ZNF564: variants seen among roughly 807,000 people sequenced by gnomAD.
ZNF564 encodes the protein zinc finger protein 564.
Under a neutral mutation model 10.5 loss-of-function variants are expected in ZNF564, and 5 were observed. The ratio of observed to expected loss-of-function variants is 0.48; its 90% CI spans 0.25 to 1.00. ZNF564 has a LOEUF of 1.00. ZNF564 is among the 50% of genes least tolerant of loss of function. The pLI is 0.16. For missense variants in ZNF564, 603 were observed against 669.7 expected (o/e 0.90, Z 1.10); for synonymous variants, 242 against 218.1 (o/e 1.11, Z -0.97).
chr19:12,551,038 C>A (rs1220875433), intron 1 of ZNF564, among the ~76,000 whole-genome samples: 1 of 152,350 alleles, frequency 6.6e-6, no homozygotes, highest in African/African-American at 2.4e-5. Context: ...CCTCCCGTGT[C>A]CCAGTACAAA....
chr19:12,535,742 G>A (rs2021895444), intron 1 of ZNF564, among the ~76,000 whole-genome samples: 1 of 152,126 alleles, frequency 6.6e-6, no homozygotes, highest in African/African-American at 2.4e-5. Context: ...CTGGCCGGGT[G>A]CGGTGGCTCA....
Position 12,525,599 on chromosome 19 carries a change from G to A in ZNF564, c.*847C>T, listed in dbSNP as rs1306825964. 6.6e-6 allele frequency: 1 copy of A among 152,154 alleles called. No individual in the cohort carries two copies. The highest frequency in any genetic ancestry group is 1.5e-5 in the Non-Finnish European group (1 of 68,036). The allele number at this position is 152,154 out of a possible 1,614,324, so 9.4% of individuals were successfully genotyped here. ...CTAAAGATGTCGAGCATTGTTACGT[G>A]CTTATTGGCCATCTGGGTATCTTCT... On this transcript the variant is annotated 3_prime_UTR_variant, in exon 4 of 4. Transcript: ENST00000339282.
chr19:12,547,694 C>G (rs1274976819), intron 1 of ZNF564, among the ~76,000 whole-genome samples: 2 of 152,172 alleles, frequency 1.3e-5, no homozygotes, highest in Non-Finnish European at 1.5e-5. Flanking sequence ...AAGTTCTACC[C>G]AGGAAGAACC....
intron 1 of ZNF564, 89 bp downstream of exon 1, chr19:12,551,241 A>T: frequency 6.9e-7 from 1 of 1,443,980 alleles, no homozygotes; most frequent in South Asian, 1.2e-5. Flanking sequence ...GAGTCGCTGC[A>T]GGGAGGCCAG....
chr19:12,533,978 G>A (rs1386831969), intron 1 of ZNF564, among the ~76,000 whole-genome samples: 3 of 150,864 alleles, frequency 2.0e-5, no homozygotes, highest in Non-Finnish European at 4.4e-5. Flanking sequence ...AGAAATGAAA[G>A]GAGGCAAAAG....
rs539173334 is a variant in ZNF564, at chr19:12,530,757, G to A, written c.4-2061C>T. Among the ~76,000 whole-genome samples, 3 of 152,228 alleles carry A rather than the reference G, an allele frequency of 2.0e-5. No individual in the cohort carries two copies. The South Asian group carries it at 6.2e-4, about 32-fold the overall frequency. On this transcript the variant is annotated intron_variant, in intron 1 of 3. Coordinates refer to ENST00000339282, the MANE Select transcript of ZNF564 (RefSeq NM_144976.4). ...AATGTCAAGGCAAAATAAAATAAGG[G>A]GAAAGATGGGTTCTTTTGGTTTTCT...
At chr19:12,542,308 CAAAAAAAAAAAA>C (rs35733202) in intron 1 of ZNF564, among the ~76,000 whole-genome samples, 2 of 63,168 alleles carry the variant, frequency 3.2e-5, no homozygotes, top group African/African-American at 6.2e-5. Flanking sequence ...GACTCTGTCT[CAAAAAAAAAAAA>C]AAAAAAAAAA....
intron 1 of ZNF564, among the ~76,000 whole-genome samples, chr19:12,545,759 A>G (rs371552327): frequency 1.1e-4 from 17 of 152,292 alleles, no homozygotes; most frequent in Middle Eastern, 3.4e-3. Flanking sequence ...AACGCTCCTC[A>G]TCTTGGGGTG....
At chr19:12,548,082 A>T in intron 1 of ZNF564, 1 of 849,404 alleles carries the variant, frequency 1.2e-6, no homozygotes, top group Non-Finnish European at 1.4e-6. Context: ...GGCTGGGATT[A>T]CAGGCATGAG....
intron 1 of ZNF564, among the ~76,000 whole-genome samples, chr19:12,543,398 C>A (rs2022095778): frequency 6.6e-6 from 1 of 151,094 alleles, no homozygotes; most frequent in Admixed American, 6.6e-5. Context: ...CTGAAATAGC[C>A]GGGTGCAGTG....
At chr19:12,532,015 G>C (rs992722308) in intron 1 of ZNF564, among the ~76,000 whole-genome samples, 5 of 152,040 alleles carry the variant, frequency 3.3e-5, no homozygotes, top group African/African-American at 1.2e-4. Context: ...ACATGGCATG[G>C]CTATCTTAAT....
At chr19:12,545,262 C>CAAAA (rs534783270) in intron 1 of ZNF564, among the ~76,000 whole-genome samples, 19 of 57,394 alleles carry the variant, frequency 3.3e-4, no homozygotes, top group African/African-American at 7.6e-4. Flanking sequence ...AATTCCGTCT[C>CAAAA]AAAAAAAAAA....
At chr19:12,547,954 G>A (rs2022184250) in intron 1 of ZNF564, among the ~76,000 whole-genome samples, 2 of 151,746 alleles carry the variant, frequency 1.3e-5, no homozygotes, top group Non-Finnish European at 2.9e-5. Context: ...TGGGATTACA[G>A]GCATGCGCCA....
chr19:12,528,657 G>C lies in ZNF564; in HGVS notation c.43C>G (p.Leu15Val). ...GGATCCAGCAAAGCCCACTCCTCAA[G>C]TGTGAAGTTCACAGCCACATCCTCA... The part of the protein sequence containing the change: ...ASEDVAVNFT[L>V]EEWALLDPSQ... The change falls in exon 2 of 4, where the codon CTT becomes GTT. Residue 15 changes from leucine (L) to valine (V), a missense_variant. By Grantham distance (32) the Leu-to-Val change is conservative. Coordinates refer to ENST00000339282, the MANE Select transcript of ZNF564 (RefSeq NM_144976.4). The C allele has an allele frequency of 6.2e-7, 1 of 1,613,670 alleles. No homozygotes were observed. Among genetic ancestry groups the C allele is most frequent in the Non-Finnish European group, 8.5e-7 (1 of 1,179,904 alleles).
At chr19:12,534,097 A>G (rs1165531143) in intron 1 of ZNF564, among the ~76,000 whole-genome samples, 1 of 152,196 alleles carries the variant, frequency 6.6e-6, no homozygotes, top group East Asian at 1.9e-4. Context: ...TGCAGCTAAC[A>G]TCATACTTAA....
chr19:12,548,701 A>G, intron 1 of ZNF564: 1 of 681,856 alleles, frequency 1.5e-6, no homozygotes, highest in South Asian at 1.6e-5. Flanking sequence ...TTCAGACAAT[A>G]GAGACCTCAC....
In ZNF564 at chr19:12,526,515, T is replaced by C; in HGVS notation, c.1593A>G (p.Lys531=). Residue 531 remains lysine, a synonymous_variant, in exon 4 of 4, where the codon AAA becomes AAG. Transcript: ENST00000339282. ...QRHERAHNGD[K]PYVKNVGKLS... ...GCTTTCCCACATTCTTTACGTAAGG[T>C]TTATCTCCATTATGAGCTCTTTCAT... The C allele has an allele frequency of 6.2e-7, 1 of 1,611,504 alleles. No individual in the cohort carries two copies. The highest frequency in any genetic ancestry group is 8.5e-7 in the Non-Finnish European group (1 of 1,179,378).
intron 1 of ZNF564, among the ~76,000 whole-genome samples, chr19:12,549,212 C>G (rs562666381): frequency 6.6e-6 from 1 of 152,258 alleles, no homozygotes; most frequent in South Asian, 2.1e-4. Flanking sequence ...GTCTTTCAAG[C>G]ACTACTGATA....
At chr19:12,541,483 G>A (rs2022048189) in intron 1 of ZNF564, 1 of 151,568 alleles carries the variant, frequency 6.6e-6, no homozygotes, top group African/African-American at 2.4e-5. Flanking sequence ...CCAAGAGGCG[G>A]AAGTTACAGT....
Sources: gnomAD v4.1 joint callset for allele counts (sites outside exome capture counted in the v4.1 genomes callset) on GRCh38, gnomAD v4.1.1 for gene constraint, MANE v1.5 for transcripts, NCBI Gene and HGNC (gene_info 2026-07-23, HGNC 2026-07-21) for gene names.